The following MGAT5 variants were observed in gnomAD, a reference collection of about 807,000 sequenced individuals.
MGAT5 encodes alpha-1,6-mannosylglycoprotein 6-beta-N-acetylglucosaminyltransferase.
Under a neutral mutation model 94.3 loss-of-function variants are expected in MGAT5, and 30 were observed. The ratio of observed to expected loss-of-function variants is 0.32; its 90% CI spans 0.24 to 0.43. The LOEUF is 0.43. MGAT5 is among the 20% of genes least tolerant of loss of function. The probability of loss-of-function intolerance (pLI) is 1.00; values close to 1 mark genes in which losing one functional copy is unlikely to be tolerated. For synonymous variants in MGAT5, 310 were observed against 322.9 expected (o/e 0.96, Z 0.43); for missense variants, 691 against 905.5 (o/e 0.76, Z 3.04).
chr2:134,272,261 T>C (rs1684076309), intron 2 of MGAT5, among the ~76,000 whole-genome samples: 1 of 152,228 alleles, frequency 6.6e-6, no homozygotes, highest in Admixed American at 6.5e-5. Flanking sequence ...GTGTACCGCT[T>C]AACAAGCATC....
intron 8 of MGAT5, among the ~76,000 whole-genome samples, chr2:134,346,089 TTTGGCTTGTTTCTTGAAA>T (rs1688911733): frequency 6.6e-6 from 1 of 152,182 alleles, no homozygotes; most frequent in Non-Finnish European, 1.5e-5. Flanking sequence ...TTTTCTGGTT[TTTGGCTTGTTTCTTGAAA>T]TCTTGACCCA....
chr2:134,428,303 C>T, intron 13 of MGAT5, 62 bp from the exon 14 acceptor site: 1 of 1,488,226 alleles, frequency 6.7e-7, no homozygotes. Context: ...AGTCGGAGGA[C>T]TGAGGAGGTG....
chr2:134,179,468 A>T (rs2105162658), intron 1 of MGAT5, among the ~76,000 whole-genome samples: 1 of 152,300 alleles, frequency 6.6e-6, no homozygotes, highest in Non-Finnish European at 1.5e-5. Context: ...CCAACCCTGT[A>T]TCTTCTCTAG....
At chr2:134,398,732 G>A (rs1329345427) in intron 10 of MGAT5, among the ~76,000 whole-genome samples, 2 of 108,090 alleles carry the variant, frequency 1.9e-5, no homozygotes, top group South Asian at 3.4e-4. Flanking sequence ...AATGGAATAC[G>A]ATTCGGCCAT....
intron 2 of MGAT5, among the ~76,000 whole-genome samples, 159 bp from the exon 3 acceptor site, chr2:134,317,370 T>C (rs1425015065): frequency 6.6e-6 from 1 of 152,138 alleles, no homozygotes; most frequent in Non-Finnish European, 1.5e-5. Context: ...CTGGACCAGT[T>C]AGATATATTG....
intron 1 of MGAT5, among the ~76,000 whole-genome samples, chr2:134,170,101 T>G (rs1472667332): frequency 6.6e-6 from 1 of 152,178 alleles, no homozygotes; most frequent in Non-Finnish European, 1.5e-5. Flanking sequence ...GCACTGAAAC[T>G]AAGTTGGTAT....
chr2:134,345,470 T>C (rs1235357281), intron 8 of MGAT5, among the ~76,000 whole-genome samples: 1 of 152,182 alleles, frequency 6.6e-6, no homozygotes, highest in Non-Finnish European at 1.5e-5. Context: ...GGAAGGGAAA[T>C]CTGGGAATAC....
At chr2:134,191,483 T>A (rs1319685477) in intron 1 of MGAT5, among the ~76,000 whole-genome samples, 1 of 151,258 alleles carries the variant, frequency 6.6e-6, no homozygotes, top group Admixed American at 6.6e-5. Flanking sequence ...AGGTTCCAGA[T>A]GGAAGGGTGG....
At chr2:134,157,283 G>A (rs1331177424) in intron 1 of MGAT5, among the ~76,000 whole-genome samples, 1 of 152,146 alleles carries the variant, frequency 6.6e-6, no homozygotes, top group Non-Finnish European at 1.5e-5. Flanking sequence ...TTTAGGGGAA[G>A]CTGGCCAAAG....
chr2:134,148,479 C>T (rs146574712), intron 1 of MGAT5, among the ~76,000 whole-genome samples: 1 of 152,206 alleles, frequency 6.6e-6, no homozygotes, highest in African/African-American at 2.4e-5. Flanking sequence ...TCTCTTCTTC[C>T]TTTCTGATTC....
chr2:134,289,703 TC>T (rs1260434325), intron 2 of MGAT5, among the ~76,000 whole-genome samples: 2 of 152,202 alleles, frequency 1.3e-5, no homozygotes, highest in Non-Finnish European at 2.9e-5. Context: ...CTGCATTCCT[TC>T]TGGGAGTCTG....
chr2:134,312,484 TA>T (rs1451855969), intron 2 of MGAT5, among the ~76,000 whole-genome samples: 2 of 152,194 alleles, frequency 1.3e-5, no homozygotes, highest in Non-Finnish European at 2.9e-5. Flanking sequence ...CACTGCTTTT[TA>T]TCTGTGGCAC....
chr2:134,385,641 G>A (rs929965533), intron 10 of MGAT5, among the ~76,000 whole-genome samples: 9 of 152,122 alleles, frequency 5.9e-5, no homozygotes, highest in Non-Finnish European at 1.2e-4. Flanking sequence ...ACCAAAATTC[G>A]AGGTAGTAAG....
intron 4 of MGAT5, among the ~76,000 whole-genome samples, chr2:134,331,110 C>A (rs1418100898): frequency 6.6e-6 from 1 of 152,102 alleles, no homozygotes; most frequent in Admixed American, 6.6e-5. Flanking sequence ...AGAAATAAGT[C>A]TGACCAGATT....
At chr2:134,198,565 G>A (rs1376912632) in intron 1 of MGAT5, among the ~76,000 whole-genome samples, 2 of 152,192 alleles carry the variant, frequency 1.3e-5, no homozygotes, top group African/African-American at 4.8e-5. Context: ...CGTTGGTGTA[G>A]GGGAGCATAG....
chr2:134,137,888 C>CT lies in MGAT5; in HGVS notation c.-143+17609dup, dbSNP rs752475959. On this transcript the variant is annotated intron_variant, in intron 1 of 16. Transcript: ENST00000409645. ...AGGGATAGCATCTCGCCTTTCTTTTCTTTTTTTTTTTTGCAAATGGAAATA... is the reference window on the plus strand; with the variant it reads ...AGGGATAGCATCTCGCCTTTCTTTTCTTTTTTTTTTTTTGCAAATGGAAATA... Among the ~76,000 whole-genome samples the CT allele has an allele frequency of 7.4e-3, 935 of 126,666 alleles. 4 individuals carry two copies. Among genetic ancestry groups the CT allele is most frequent in the African/African-American group, 0.016 (542 of 34,636 alleles). 83.1% of individuals were successfully genotyped at this position (126,666 alleles called of 152,430 possible). A position where few individuals can be genotyped will look rare whatever the true frequency, so the allele number is the denominator to read the frequency against.
chr2:134,148,707 G>A (rs1325762316), intron 1 of MGAT5, among the ~76,000 whole-genome samples: 1 of 151,056 alleles, frequency 6.6e-6, no homozygotes, highest in African/African-American at 2.4e-5. Context: ...TTCTATCGTA[G>A]AGAACTTTCT....
At chr2:134,219,341 A>T (rs1054799522) in intron 1 of MGAT5, among the ~76,000 whole-genome samples, 5 of 151,888 alleles carry the variant, frequency 3.3e-5, no homozygotes, top group Non-Finnish European at 7.4e-5. Flanking sequence ...ACAAGGCTGG[A>T]AAAGCCCACC....
intron 10 of MGAT5, among the ~76,000 whole-genome samples, chr2:134,382,322 A>G (rs150037657): frequency 2.0e-5 from 3 of 152,022 alleles, no homozygotes; most frequent in Non-Finnish European, 1.5e-5. Flanking sequence ...TGACATTGTG[A>G]TAGAAGCTCC....
Sources: gnomAD v4.1 joint callset for allele counts (sites outside exome capture counted in the v4.1 genomes callset) on GRCh38, gnomAD v4.1.1 for gene constraint, MANE v1.5 for transcripts, NCBI Gene and HGNC (gene_info 2026-07-23, HGNC 2026-07-21) for gene names.